ERC1: variants seen among roughly 807,000 people sequenced by gnomAD.
ERC1 encodes RAB6 interacting protein 2.
A neutral mutation model predicts 132.0 loss-of-function variants in ERC1; 56 were observed. The ratio of observed to expected loss-of-function variants is 0.42; its 90% confidence interval spans 0.34 to 0.53. ERC1 has a LOEUF of 0.53. ERC1 is among the 20% of genes least tolerant of loss of function. The pLI, the probability that ERC1 is intolerant of heterozygous loss-of-function variation, is 0.03. For missense variants in ERC1, 1,202 were observed against 1,349.9 expected (o/e 0.89, Z 1.72); for synonymous variants, 478 against 476.1 (o/e 1.00, Z -0.05).
chr12:1,116,131 T>C (rs1206014352), intron 7 of ERC1, 98 bp downstream of exon 7: 3 of 1,021,804 alleles, frequency 2.9e-6, no homozygotes, highest in Admixed American at 2.3e-5. Flanking sequence ...TTGGGAAATA[T>C]GAGTAATGTT....
At chr12:1,400,681 A>T (rs1021797641) in intron 16 of ERC1, among the ~76,000 whole-genome samples, 1 of 152,102 alleles carries the variant, frequency 6.6e-6, no homozygotes, top group African/African-American at 2.4e-5. Flanking sequence ...TGGGATGAAA[A>T]GAGTATTCTT....
chr12:1,183,218 T>C, intron 10 of ERC1, 63 bp from the exon 11 acceptor site: 2 of 1,158,932 alleles, frequency 1.7e-6, no homozygotes, highest in Non-Finnish European at 2.3e-6. Context: ...ATGATAAATT[T>C]AAAAATTTAA....
At chr12:1,249,142 T>C (rs1179421372) in intron 13 of ERC1, among the ~76,000 whole-genome samples, 1 of 152,172 alleles carries the variant, frequency 6.6e-6, no homozygotes, top group African/African-American at 2.4e-5. Flanking sequence ...TCCTTCTGCC[T>C]TAGCCTCCAA....
chr12:1,101,991 G>A (rs1026030288), intron 3 of ERC1, among the ~76,000 whole-genome samples: 1 of 152,154 alleles, frequency 6.6e-6, no homozygotes, highest in Non-Finnish European at 1.5e-5. Flanking sequence ...TTGGATTCAG[G>A]CTATAGAATC....
intron 8 of ERC1, among the ~76,000 whole-genome samples, chr12:1,161,802 G>A (rs10848449): frequency 0.23 from 35,604 of 152,006 alleles, 4,406 homozygotes; most frequent in Non-Finnish European, 0.27. Flanking sequence ...AGAAGAATAT[G>A]GTAACACTAC....
In ERC1 at chr12:1,298,435, C is replaced by T. The variant is rs370341527; in HGVS notation, c.2780+8423C>T. On this transcript the variant is annotated intron_variant, in intron 15 of 18. Coordinates refer to ENST00000360905, the MANE Select transcript of ERC1 (RefSeq NM_178040.4). ...GCGGGTGTCTGTTATCCCAGCTACTCGGGATTCTGAGGCAGGAGAATTGCT... is the reference window on the plus strand; with the variant it reads ...GCGGGTGTCTGTTATCCCAGCTACTTGGGATTCTGAGGCAGGAGAATTGCT... 6.0e-5 allele frequency among the ~76,000 whole-genome samples: 9 copies of T among 150,610 alleles called. No homozygotes were observed. In the East Asian group the frequency reaches 1.6e-3, roughly 26 times the overall value.
chr12:1,468,872 T>C (rs1472002060), intron 18 of ERC1, among the ~76,000 whole-genome samples: 7 of 152,158 alleles, frequency 4.6e-5, no homozygotes, highest in Non-Finnish European at 1.0e-4. Context: ...GAACTAGACA[T>C]TTCTTCCATT....
At chr12:1,241,653 T>C (rs2075797512) in intron 13 of ERC1, among the ~76,000 whole-genome samples, 2 of 152,054 alleles carry the variant, frequency 1.3e-5, no homozygotes, top group African/African-American at 4.8e-5. Flanking sequence ...TTAACTTAAC[T>C]TACAAAACAT....
chr12:1,196,856 C>G (rs1225989171), intron 12 of ERC1, among the ~76,000 whole-genome samples: 19 of 129,088 alleles, frequency 1.5e-4, no homozygotes, highest in Non-Finnish European at 1.5e-4. Context: ...CTGTCTCTCT[C>G]TCACTCTCTC....
rs761918440 is a variant in ERC1, at chr12:1,028,210, C to T, written c.307C>T (p.Arg103Trp). 20 of 1,614,030 alleles carry T rather than the reference C, an allele frequency of 1.2e-5. No homozygotes were observed. The highest frequency in any genetic ancestry group is 5.3e-5 in the African/African-American group (4 of 74,900). The change falls in exon 2 of 19, where the codon CGG becomes TGG. Residue 103 changes from arginine (R) to tryptophan (W), a missense_variant. Arg to Trp is a moderately radical substitution (Grantham distance 101). Coordinates refer to ENST00000360905, the MANE Select transcript of ERC1 (RefSeq NM_178040.4). ...TGGGGGACGTCTGCCTTACGGTGTT[C>T]GGATGACTGCTATGGGTAGTAGCCC... The part of the protein sequence containing the change: ...RSGGRLPYGV[R>W]MTAMGSSPNI...
At chr12:1,080,335 T>G (rs561345006) in intron 2 of ERC1, among the ~76,000 whole-genome samples, 1 of 152,334 alleles carries the variant, frequency 6.6e-6, no homozygotes, top group Admixed American at 6.5e-5. Context: ...TCTTTATCAA[T>G]TCGACTGCTC....
intron 13 of ERC1, among the ~76,000 whole-genome samples, chr12:1,255,371 G>C (rs934737848): frequency 6.6e-6 from 1 of 152,092 alleles, no homozygotes; most frequent in Non-Finnish European, 1.5e-5. Flanking sequence ...TTGGTTCCAA[G>C]TCGTTGCTAT....
chr12:1,133,600 A>C (rs1464489064), intron 7 of ERC1, among the ~76,000 whole-genome samples: 1 of 152,114 alleles, frequency 6.6e-6, no homozygotes, highest in East Asian at 1.9e-4. Context: ...TTTTAACTGA[A>C]TCAATATTCA....
chr12:1,305,119 C>G (rs540103514), intron 15 of ERC1, among the ~76,000 whole-genome samples: 2 of 152,242 alleles, frequency 1.3e-5, no homozygotes, highest in South Asian at 4.1e-4. Flanking sequence ...GTTTTCTAAT[C>G]TTTGGTAGCT....
intron 15 of ERC1, among the ~76,000 whole-genome samples, chr12:1,309,226 T>G (rs1232326469): frequency 6.6e-6 from 1 of 152,236 alleles, no homozygotes; most frequent in Non-Finnish European, 1.5e-5. Flanking sequence ...AGATGGAATA[T>G]CATGAACAAT....
At chr12:1,068,253 C>CG (rs1555224724) in intron 2 of ERC1, among the ~76,000 whole-genome samples, 2 of 93,594 alleles carry the variant, frequency 2.1e-5, no homozygotes, top group African/African-American at 6.5e-5. Context: ...AATTAAGACT[C>CG]TAAGTTTTGG....
At chr12:1,263,605 C>T (rs544555520) in intron 14 of ERC1, among the ~76,000 whole-genome samples, 1 of 152,310 alleles carries the variant, frequency 6.6e-6, no homozygotes, top group Non-Finnish European at 1.5e-5. Context: ...TGAAATGGAG[C>T]TTGTCTGTCT....
At chr12:1,114,212 T>G (rs992512028) in intron 6 of ERC1, among the ~76,000 whole-genome samples, 2 of 151,932 alleles carry the variant, frequency 1.3e-5, no homozygotes, top group Non-Finnish European at 2.9e-5. Flanking sequence ...TTAGTAGAGA[T>G]GGGTTTCACT....
intron 12 of ERC1, among the ~76,000 whole-genome samples, chr12:1,235,918 T>C (rs1385082190): frequency 6.6e-6 from 1 of 152,320 alleles, no homozygotes; most frequent in South Asian, 2.1e-4. Context: ...TGTCATCTTC[T>C]GGGGAGTAGA....
Sources: allele counts gnomAD v4.1 joint callset (sites outside exome capture counted in the v4.1 genomes callset), GRCh38; gene constraint gnomAD v4.1.1; transcripts MANE v1.5; gene names NCBI Gene and HGNC (gene_info 2026-07-23, HGNC 2026-07-21).